OR56A3: variants seen among roughly 807,000 people sequenced by gnomAD.
OR56A3 encodes olfactory receptor family 56 subfamily A member 3, also known as olfactory receptor 56A3.
In OR56A3, 23 loss-of-function variants were observed where a neutral mutation model predicts 17.5. That is an observed-to-expected ratio of 1.32 (90% CI 0.95 to 1.87). OR56A3 has a LOEUF of 1.87. Ranked by LOEUF, OR56A3 falls within the 40% of genes most tolerant of loss-of-function variation. The pLI, the probability that OR56A3 is intolerant of heterozygous loss-of-function variation, is 0.00. For synonymous variants in OR56A3, 175 were observed against 150.6 expected (o/e 1.16, Z -1.19); for missense variants, 366 against 380.1 (o/e 0.96, Z 0.31).
chr11:5,974,358 G>T, the OR56A3 span, among the ~76,000 whole-genome samples: 2 of 152,160 alleles, frequency 1.3e-5, no homozygotes, highest in East Asian at 3.9e-4. Context: ...GCCCGCCTCG[G>T]CCTCTCAAAG....
chr11:6,006,865 A>G, the OR56A3 span: 2 of 152,466 alleles, frequency 1.3e-5, no homozygotes, highest in Admixed American at 6.5e-5. Flanking sequence ...TTCCCCCTCC[A>G]CTCATCAGCA....
At chr11:5,984,758 T>C in the OR56A3 span, among the ~76,000 whole-genome samples, 1 of 152,120 alleles carries the variant, frequency 6.6e-6, no homozygotes, top group Non-Finnish European at 1.5e-5. Context: ...ATGAGTAAAA[T>C]TTACTAAGAA....
chr11:5,966,578 C>T, the OR56A3 span, among the ~76,000 whole-genome samples: 1 of 152,096 alleles, frequency 6.6e-6, no homozygotes, highest in South Asian at 2.1e-4. Context: ...TAGGTCCTAC[C>T]TATATACTGA....
chr11:5,944,672 A>T (rs1053539007), intron 1 of OR56A3, 134 bp from the exon 2 acceptor site: 1 of 152,222 alleles, frequency 6.6e-6, no homozygotes, highest in Non-Finnish European at 1.5e-5. Context: ...TGATTTGCCT[A>T]TGTGAAAGAT....
chr11:6,020,961 G>C, the OR56A3 span: 2 of 152,002 alleles, frequency 1.3e-5, no homozygotes, highest in Non-Finnish European at 2.9e-5. Context: ...GAATTTCTTT[G>C]AGTAAAGAAG....
the OR56A3 span, among the ~76,000 whole-genome samples, chr11:6,010,796 A>G: frequency 6.6e-6 from 1 of 150,646 alleles, no homozygotes; most frequent in African/African-American, 2.5e-5. Context: ...TATTCTTTCT[A>G]ATGCCTAGTT....
chr11:5,986,389 A>T, the OR56A3 span: 1 of 1,613,970 alleles, frequency 6.2e-7, no homozygotes. Context: ...AAGTGTTCCC[A>T]ACAAAATGGG....
chr11:6,003,077 C>T, the OR56A3 span: 180 of 1,607,736 alleles, frequency 1.1e-4, no homozygotes, highest in Middle Eastern at 1.7e-4. Flanking sequence ...ACATTCTAGA[C>T]GTAGTAGAGT....
the OR56A3 span, among the ~76,000 whole-genome samples, chr11:5,975,286 C>T: frequency 6.6e-6 from 1 of 152,040 alleles, no homozygotes. Flanking sequence ...ATACATGTGC[C>T]ATGTTGGTGC....
At chr11:5,986,833 A>C in the OR56A3 span, 8 of 1,613,848 alleles carry the variant, frequency 5.0e-6, no homozygotes, top group Admixed American at 1.7e-5. Context: ...TGGAATCCCT[A>C]CCAGGAGAAA....
the OR56A3 span, chr11:6,016,864 C>T: frequency 6.7e-6 from 1 of 150,046 alleles, no homozygotes; most frequent in Admixed American, 6.6e-5. Flanking sequence ...CTGAATAATT[C>T]AGTGAAAGAA....
the OR56A3 span, among the ~76,000 whole-genome samples, chr11:5,969,689 C>T: frequency 6.6e-6 from 1 of 152,192 alleles, no homozygotes; most frequent in African/African-American, 2.4e-5. Context: ...ATCCCACATC[C>T]TCATTTGGAT....
the OR56A3 span, among the ~76,000 whole-genome samples, chr11:6,005,944 A>G: frequency 6.6e-6 from 1 of 152,222 alleles, no homozygotes; most frequent in South Asian, 2.1e-4. Context: ...AGATAGGTCA[A>G]AGGCGAATCG....
the OR56A3 span, among the ~76,000 whole-genome samples, chr11:6,015,426 G>A: frequency 7.2e-5 from 11 of 152,198 alleles, 1 homozygote; most frequent in Admixed American, 6.5e-4. Flanking sequence ...TTGGAGCCTC[G>A]CACAGTTCCC....
chr11:5,985,546 T>C, the OR56A3 span, among the ~76,000 whole-genome samples: 5 of 152,270 alleles, frequency 3.3e-5, no homozygotes, highest in South Asian at 8.3e-4. Context: ...ACTTAGAGGT[T>C]TTGAAGAAAC....
the OR56A3 span, among the ~76,000 whole-genome samples, chr11:6,008,532 A>C: frequency 1.3e-5 from 2 of 152,130 alleles, no homozygotes; most frequent in African/African-American, 4.8e-5. Context: ...TGGGAAGAGA[A>C]AATGTGATGC....
Position 5,947,405 on chromosome 11 carries a change from G to A in OR56A3, c.59G>A (p.Cys20Tyr), listed in dbSNP as rs753416876. The change falls in exon 3 of 3, where the codon TGT becomes TAT. Residue 20 changes from cysteine to tyrosine, a missense_variant. Coordinates refer to ENST00000641160, the MANE Select transcript of OR56A3 (RefSeq NM_001003443.3). ...GAAGCTTCAGACTTCCTCTTGAATTGTTTTGTCAGATCCCCCAGCTGGCAG... is the reference window on the plus strand; with the variant it reads ...GAAGCTTCAGACTTCCTCTTGAATTATTTTGTCAGATCCCCCAGCTGGCAG... ...STEASDFLLN[C>Y]FVRSPSWQHW... The A allele has an allele frequency of 7.4e-6, 12 of 1,613,936 alleles. No individual in the cohort carries two copies. The highest frequency in any genetic ancestry group is 1.6e-4 in the Middle Eastern group (1 of 6,084).
the OR56A3 span, among the ~76,000 whole-genome samples, chr11:5,979,235 T>G: frequency 6.6e-6 from 1 of 152,020 alleles, no homozygotes; most frequent in African/African-American, 2.4e-5. Context: ...GCTGGCCTCA[T>G]AGAACAAGTT....
In OR56A3 at chr11:5,945,653, T is replaced by C. The variant is rs1459469151; in HGVS notation, c.-37+571T>C. ...CTAGAAATTAATCCAACCCAACCTC[T>C]ATATTAGGTAAGATTAGGATTAGAA... On this transcript the variant is annotated intron_variant, in intron 2 of 2. Coordinates refer to ENST00000641160, the MANE Select transcript of OR56A3 (RefSeq NM_001003443.3). Among the ~76,000 whole-genome samples, 5 of 151,388 alleles carry C rather than the reference T, an allele frequency of 3.3e-5. 1 individual carries two copies. The highest frequency in any genetic ancestry group is 6.8e-3 in the Middle Eastern group (2 of 294).
Sources: allele counts gnomAD v4.1 joint callset (sites outside exome capture counted in the v4.1 genomes callset), GRCh38; gene constraint gnomAD v4.1.1; transcripts MANE v1.5; gene names NCBI Gene and HGNC (gene_info 2026-07-23, HGNC 2026-07-21).